The following DLGAP2 variants were observed in gnomAD, a reference collection of about 807,000 sequenced individuals.
DLGAP2 encodes disks large-associated protein 2.
Under a neutral mutation model 100.3 loss-of-function variants are expected in DLGAP2, and 26 were observed. That is an observed-to-expected ratio of 0.26 (90% CI 0.19 to 0.36). DLGAP2 has a LOEUF of 0.36. DLGAP2 is among the 10% of genes least tolerant of loss of function. The pLI, the probability that DLGAP2 is intolerant of heterozygous loss-of-function variation, is 1.00. For missense variants in DLGAP2, 1,858 were observed against 1,453.2 expected (o/e 1.28, Z -4.53); for synonymous variants, 886 against 630.1 (o/e 1.41, Z -6.08).
At chr8:1,205,826 A>G (rs914149175) in intron 2 of DLGAP2, among the ~76,000 whole-genome samples, 6 of 152,166 alleles carry the variant, frequency 3.9e-5, no homozygotes, top group Non-Finnish European at 7.3e-5. Flanking sequence ...GAGTGAGAAT[A>G]CATCAAATCT....
intron 6 of DLGAP2, among the ~76,000 whole-genome samples, chr8:1,613,464 G>A (rs558188912): frequency 6.6e-6 from 1 of 151,638 alleles, no homozygotes; most frequent in Non-Finnish European, 1.5e-5. Flanking sequence ...AGTGGGTGCA[G>A]CGCACCAGCA....
At chr8:1,162,928 C>T (rs1228784409) in intron 2 of DLGAP2, among the ~76,000 whole-genome samples, 1 of 152,190 alleles carries the variant, frequency 6.6e-6, no homozygotes, top group African/African-American at 2.4e-5. Flanking sequence ...GTTTGCTCAG[C>T]TGAGGGGGCT....
chr8:1,539,343 C>G (rs1217564165), intron 4 of DLGAP2, among the ~76,000 whole-genome samples: 1 of 152,208 alleles, frequency 6.6e-6, no homozygotes, highest in Non-Finnish European at 1.5e-5. Context: ...GTTGTCAAGT[C>G]CATCTGGGTG....
intron 3 of DLGAP2, among the ~76,000 whole-genome samples, chr8:1,500,315 G>C (rs1157565635): frequency 1.3e-5 from 2 of 152,168 alleles, no homozygotes; most frequent in African/African-American, 4.8e-5. Context: ...TGTCTACACT[G>C]CCTCTGCAGC....
In DLGAP2 at chr8:1,229,399, G is replaced by A. The variant is rs569031459; in HGVS notation, c.74-29452G>A. Among the ~76,000 whole-genome samples the A allele has an allele frequency of 8.5e-5, 13 of 152,082 alleles. No homozygotes were observed. The South Asian group carries it at 2.7e-3, about 32-fold the overall frequency. On this transcript the variant is annotated intron_variant, in intron 2 of 14. Transcript: ENST00000637795. The stretch of plus-strand genomic sequence containing the variant: ...GATTTTTATTACCAATTCAGTTTTG[G>A]AACTTGATAATGATCTGTTTAGGGT...
At chr8:1,408,182 C>T (rs1796627461) in intron 3 of DLGAP2, among the ~76,000 whole-genome samples, 1 of 152,218 alleles carries the variant, frequency 6.6e-6, no homozygotes, top group Admixed American at 6.5e-5. Context: ...ATTTTATTCC[C>T]GTAGTTGAAG....
intron 2 of DLGAP2, among the ~76,000 whole-genome samples, chr8:913,665 T>C (rs534390819): frequency 1.5e-4 from 23 of 152,378 alleles, no homozygotes; most frequent in South Asian, 1.4e-3. Flanking sequence ...TGCTGTGAGA[T>C]AGAAAATGTG....
At chr8:1,379,263 A>G (rs771426160) in intron 3 of DLGAP2, among the ~76,000 whole-genome samples, 3 of 152,224 alleles carry the variant, frequency 2.0e-5, no homozygotes, top group Non-Finnish European at 2.9e-5. Context: ...TGTGCCAGGC[A>G]CAGGCCCGAG....
intron 3 of DLGAP2, among the ~76,000 whole-genome samples, chr8:1,477,140 C>A (rs1798957390): frequency 1.3e-5 from 2 of 151,818 alleles, no homozygotes; most frequent in African/African-American, 4.8e-5. Flanking sequence ...GACCCACCTG[C>A]TGGGAATGTC....
chr8:984,162 A>T (rs1800421557), intron 2 of DLGAP2, among the ~76,000 whole-genome samples: 2 of 152,158 alleles, frequency 1.3e-5, no homozygotes, highest in African/African-American at 4.8e-5. Context: ...ATATGGAAAG[A>T]ATCTTGAATT....
intron 6 of DLGAP2, among the ~76,000 whole-genome samples, chr8:1,620,951 C>T (rs1461644123): frequency 1.3e-5 from 2 of 152,244 alleles, no homozygotes; most frequent in Non-Finnish European, 2.9e-5. Flanking sequence ...TTACCCTCTG[C>T]TCTCCAGACA....
intron 2 of DLGAP2, among the ~76,000 whole-genome samples, chr8:1,150,235 T>C (rs1796674228): frequency 1.3e-5 from 2 of 152,232 alleles, no homozygotes; most frequent in Admixed American, 1.3e-4. Context: ...AAAAGATGTT[T>C]TCTCAGCTCT....
At chr8:1,012,494 C>A (rs113523301) in intron 2 of DLGAP2, among the ~76,000 whole-genome samples, 1 of 150,326 alleles carries the variant, frequency 6.7e-6, no homozygotes, top group Non-Finnish European at 1.5e-5. Context: ...TCTGACCAGC[C>A]CCCCACTTCA....
intron 2 of DLGAP2, among the ~76,000 whole-genome samples, chr8:1,144,047 C>A (rs1204154555): frequency 6.6e-6 from 1 of 152,246 alleles, no homozygotes; most frequent in East Asian, 1.9e-4. Flanking sequence ...TATTTCCCCA[C>A]AGCACCGCTT....
chr8:1,112,069 C>T (rs148098607), intron 2 of DLGAP2, among the ~76,000 whole-genome samples: 109 of 151,910 alleles, frequency 7.2e-4, no homozygotes, highest in African/African-American at 2.3e-3. Flanking sequence ...CACCAGCATC[C>T]GTTATTTTTT....
intron 2 of DLGAP2, among the ~76,000 whole-genome samples, chr8:1,072,979 C>G (rs1371392515): frequency 6.6e-6 from 1 of 152,172 alleles, no homozygotes; most frequent in African/African-American, 2.4e-5. Context: ...GGATTTTTAG[C>G]TGTATCCGAC....
At chr8:1,288,213 GT>G (rs1412006359) in intron 3 of DLGAP2, among the ~76,000 whole-genome samples, 93 of 140,460 alleles carry the variant, frequency 6.6e-4, no homozygotes, top group African/African-American at 2.3e-3. Flanking sequence ...GTGTGTGTGT[GT>G]GTGGTTAGGA....
intron 3 of DLGAP2, among the ~76,000 whole-genome samples, chr8:1,273,901 C>T (rs1156774152): frequency 6.6e-6 from 1 of 152,098 alleles, no homozygotes; most frequent in African/African-American, 2.4e-5. Flanking sequence ...TCATATATAG[C>T]CGGGAATCTG....
intron 1 of DLGAP2, among the ~76,000 whole-genome samples, chr8:815,322 C>T (rs1166095965): frequency 6.6e-6 from 1 of 152,070 alleles, no homozygotes; most frequent in Non-Finnish European, 1.5e-5. Context: ...AGCAGAACAC[C>T]CTGTTCCCTC....
Sources: allele counts gnomAD v4.1 joint callset (sites outside exome capture counted in the v4.1 genomes callset), GRCh38; gene constraint gnomAD v4.1.1; transcripts MANE v1.5; gene names NCBI Gene and HGNC (gene_info 2026-07-23, HGNC 2026-07-21).